Variants in ARL17B observed in about 807,000 individuals in gnomAD.
ARL17B encodes ADP-ribosylation factor-like protein 17.
At chr17:46,324,091 G>C (rs1455679504) in intron 3 of ARL17B, among the ~76,000 whole-genome samples, 1 of 120,264 alleles carries the variant, frequency 8.3e-6, no homozygotes. Context: ...CCGGTTGTGT[G>C]GAAATGCCAT....
intron 4 of ARL17B, among the ~76,000 whole-genome samples, chr17:46,285,129 A>G (rs2049869258): frequency 6.6e-6 from 1 of 152,194 alleles, no homozygotes; most frequent in African/African-American, 2.4e-5. Context: ...TTGGCCTCCC[A>G]AAGTGCTGGG....
chr17:46,280,683 C>T (rs2049739299), intron 4 of ARL17B, among the ~76,000 whole-genome samples: 1 of 149,486 alleles, frequency 6.7e-6, no homozygotes, highest in South Asian at 2.1e-4. Flanking sequence ...AAGTGATTCT[C>T]ATGCCTCAGC....
At chr17:46,327,154 T>A (rs375451679) in intron 3 of ARL17B, among the ~76,000 whole-genome samples, 1 of 85,636 alleles carries the variant, frequency 1.2e-5, no homozygotes, top group African/African-American at 3.1e-5. Flanking sequence ...TTCCTCATGA[T>A]GAAATTCAAG....
chr17:46,285,793 T>C (rs2049892729), intron 4 of ARL17B, among the ~76,000 whole-genome samples: 1 of 152,200 alleles, frequency 6.6e-6, no homozygotes, highest in Non-Finnish European at 1.5e-5. Context: ...CACTCTAAGA[T>C]TGGAAACTTG....
At chr17:46,280,046 TC>T (rs111856473) in intron 4 of ARL17B, among the ~76,000 whole-genome samples, 21,683 of 151,994 alleles carry the variant, frequency 0.14, 1,870 homozygotes, top group Non-Finnish European at 0.22. Flanking sequence ...CTCATTGCTT[TC>T]CCTGAACCTC....
intron 4 of ARL17B, among the ~76,000 whole-genome samples, chr17:46,276,740 A>C (rs1255560838): frequency 3.9e-5 from 6 of 152,042 alleles, no homozygotes; most frequent in Non-Finnish European, 8.8e-5. Flanking sequence ...AAAATGCAAC[A>C]GCAAGTTGTC....
chr17:46,277,081 A>G (rs1324160673), intron 4 of ARL17B, among the ~76,000 whole-genome samples: 1 of 152,240 alleles, frequency 6.6e-6, no homozygotes, highest in Non-Finnish European at 1.5e-5. Context: ...TTGAGATCAC[A>G]GGTGTGAGCC....
At chr17:46,283,209 C>T (rs2049817312) in intron 4 of ARL17B, among the ~76,000 whole-genome samples, 1 of 152,052 alleles carries the variant, frequency 6.6e-6, no homozygotes, top group East Asian at 1.9e-4. Context: ...CAATTTATAC[C>T]CCCACCAGCC....
chr17:46,350,579 G>T (rs964772488), intron 3 of ARL17B, among the ~76,000 whole-genome samples: 2 of 89,440 alleles, frequency 2.2e-5, no homozygotes, highest in African/African-American at 3.3e-5. Flanking sequence ...AAAAAAAGGG[G>T]GGGGGAGGCC....
At chr17:46,275,481 C>T (rs749922594) in intron 4 of ARL17B, 78 of 693,310 alleles carry the variant, frequency 1.1e-4, no homozygotes, top group Middle Eastern at 2.8e-4. Context: ...ATGCTTTATG[C>T]GGATGCCAAA....
At chr17:46,290,149 A>G (rs1348070574) in intron 4 of ARL17B, among the ~76,000 whole-genome samples, 4 of 152,248 alleles carry the variant, frequency 2.6e-5, no homozygotes. Context: ...TTTTTTTTGG[A>G]GACAGGGCCT....
intron 4 of ARL17B, among the ~76,000 whole-genome samples, chr17:46,288,137 T>C (rs147042872): frequency 1.2e-3 from 186 of 151,884 alleles, no homozygotes; most frequent in Non-Finnish European, 2.1e-3. Flanking sequence ...GGCTATGTAG[T>C]TTATCCTGTT....
chr17:46,278,944 C>G (rs1243799088), intron 4 of ARL17B, among the ~76,000 whole-genome samples: 2 of 151,926 alleles, frequency 1.3e-5, no homozygotes, highest in Non-Finnish European at 2.9e-5. Flanking sequence ...ATTACAGGTG[C>G]CTGCCACCAC....
rs2052344359 is a variant in ARL17B at position 46,337,293 on chromosome 17, CA to C, written c.*2206del. 6.0e-6 allele frequency: 4 copies of C among 665,486 alleles called. No homozygotes were observed. Among genetic ancestry groups the C allele is most frequent in the Non-Finnish European group, 8.7e-6 (4 of 462,354 alleles). The allele number at this position is 665,486 out of a possible 1,614,324, so 41.2% of individuals were successfully genotyped here. On this transcript the variant is annotated 3_prime_UTR_variant, in exon 4 of 4. Coordinates refer to ENST00000450673, the MANE Select transcript of ARL17B (RefSeq NM_001039083.5). ...TCACTGTCTTGTGCATGTGTCTCCC[CA>C]GGGGCATTTTCAGATTTCTGCCATG...
chr17:46,275,557 C>T (rs1462234813), intron 4 of ARL17B: 22 of 505,490 alleles, frequency 4.4e-5, no homozygotes, highest in Admixed American at 1.2e-4. Flanking sequence ...TAGAAAAGAA[C>T]GATTAAGAAA....
intron 4 of ARL17B, among the ~76,000 whole-genome samples, chr17:46,288,565 T>C (rs1379750109): frequency 2.6e-5 from 4 of 152,084 alleles, no homozygotes; most frequent in Non-Finnish European, 5.9e-5. Flanking sequence ...CCCAAAGTCC[T>C]GAGATTACAG....
intron 3 of ARL17B, among the ~76,000 whole-genome samples, chr17:46,304,931 C>CAT (rs2050471295): frequency 1.5e-5 from 1 of 67,622 alleles, no homozygotes; most frequent in Non-Finnish European, 4.6e-5. Context: ...TGCAGTGGTG[C>CAT]GATCTCGGCT....
intron 4 of ARL17B, among the ~76,000 whole-genome samples, chr17:46,276,441 A>C (rs2049588510): frequency 1.3e-5 from 2 of 152,270 alleles, no homozygotes; most frequent in African/African-American, 4.8e-5. Context: ...TTACGTAATC[A>C]CAAGGTACAA....
chr17:46,340,946 G>A (rs2144208386), intron 3 of ARL17B, among the ~76,000 whole-genome samples: 1 of 73,552 alleles, frequency 1.4e-5, no homozygotes, highest in East Asian at 2.4e-4. Context: ...TCACTTTGTT[G>A]CCCAGGCTGG....
Sources: allele counts gnomAD v4.1 joint callset (sites outside exome capture counted in the v4.1 genomes callset), GRCh38; gene constraint gnomAD v4.1.1; transcripts MANE v1.5; gene names NCBI Gene and HGNC (gene_info 2026-07-23, HGNC 2026-07-21).